CACNA2D1: variants seen among roughly 807,000 people sequenced by gnomAD.
The protein encoded by CACNA2D1 is voltage-dependent calcium channel subunit alpha-2/delta-1.
CACNA2D1 carries 53 observed loss-of-function variants against 171.5 expected under a neutral mutation model. The observed-to-expected ratio is 0.31, with a 90% CI of 0.25 to 0.39. The LOEUF is 0.39. Ranked by LOEUF, CACNA2D1 falls within the 10% of genes least tolerant of loss-of-function variation. CACNA2D1 has a pLI of 1.00. For synonymous variants in CACNA2D1, 442 were observed against 443.1 expected (o/e 1.00, Z 0.03); for missense variants, 903 against 1,299.8 (o/e 0.69, Z 4.69).
intron 3 of CACNA2D1, among the ~76,000 whole-genome samples, chr7:82,173,732 G>C (rs1796274600): frequency 6.6e-6 from 1 of 151,856 alleles, no homozygotes; most frequent in Middle Eastern, 3.4e-3. Flanking sequence ...CCATTAAATG[G>C]CACCGGTGAA....
chr7:82,303,714 CT>C (rs924200056), intron 3 of CACNA2D1, among the ~76,000 whole-genome samples: 4 of 151,926 alleles, frequency 2.6e-5, no homozygotes, highest in East Asian at 3.9e-4. Flanking sequence ...CAAAAATCAA[CT>C]AAAGAGGGAT....
rs1245895861 is a variant in CACNA2D1, at chr7:82,332,536, AAGAAAGAAAG to A, written c.294+2589_294+2598del. 6.3e-3 allele frequency among the ~76,000 whole-genome samples: 495 copies of A among 78,330 alleles called. 3 individuals are homozygous for A. The highest frequency in any genetic ancestry group is 0.014 in the African/African-American group (470 of 33,838). The allele number at this position is 78,330 out of a possible 152,430, so 51.4% of individuals were successfully genotyped here. On this transcript the variant is annotated intron_variant, in intron 3 of 38. Coordinates refer to ENST00000356860, the MANE Select transcript of CACNA2D1 (RefSeq NM_000722.4). ...AAAGAAAGAAAGAAAGAAAGAAAGA[AAGAAAGAAAG>A]AAAGAAAGAAAGAAAGAAAGAACGA...
intron 18 of CACNA2D1, among the ~76,000 whole-genome samples, chr7:82,004,202 C>T (rs1798897580): frequency 6.6e-6 from 1 of 151,870 alleles, no homozygotes; most frequent in African/African-American, 2.4e-5. Context: ...GGATGATTAG[C>T]CAAACATAAA....
chr7:82,123,255 C>T (rs1416322350), intron 5 of CACNA2D1, among the ~76,000 whole-genome samples: 1 of 152,120 alleles, frequency 6.6e-6, no homozygotes, highest in East Asian at 1.9e-4. Flanking sequence ...CCTGAGATGG[C>T]TACATTCCAT....
intron 4 of CACNA2D1, among the ~76,000 whole-genome samples, chr7:82,169,702 T>C (rs1441195102): frequency 6.6e-6 from 1 of 151,978 alleles, no homozygotes; most frequent in Admixed American, 6.6e-5. Flanking sequence ...TCTAAACCTA[T>C]TTTAAATGTG....
intron 24 of CACNA2D1, among the ~76,000 whole-genome samples, chr7:81,979,622 A>C (rs1300189624): frequency 6.6e-6 from 1 of 152,164 alleles, no homozygotes; most frequent in Non-Finnish European, 1.5e-5. Flanking sequence ...TTGCTATGTT[A>C]ATATTCTGCG....
At chr7:82,227,319 C>T (rs968743241) in intron 3 of CACNA2D1, among the ~76,000 whole-genome samples, 5 of 151,826 alleles carry the variant, frequency 3.3e-5, no homozygotes, top group African/African-American at 1.2e-4. Flanking sequence ...CTTTAAGAGC[C>T]GAGATACACA....
chr7:82,181,041 A>ATTTTTTT lies in CACNA2D1; in HGVS notation c.295-10439_295-10433dup, dbSNP rs71093367. Among the ~76,000 whole-genome samples, 15 of 13,960 alleles carry ATTTTTTT rather than the reference A, an allele frequency of 1.1e-3. 5 individuals carry two copies. The highest frequency in any genetic ancestry group is 4.0e-3 in the South Asian group (1 of 252). The allele number at this position is 13,960 out of a possible 152,430, so 9.2% of individuals were successfully genotyped here. On this transcript the variant is annotated intron_variant, in intron 3 of 38. Coordinates refer to ENST00000356860, the MANE Select transcript of CACNA2D1 (RefSeq NM_000722.4). ...GGTCAGCAGCTGTGGGGCATGTCGG[A>ATTTTTTT]TTTTTTTTTTTTTTTTTTTTTTTTT...
chr7:82,137,774 G>A (rs1307259356), intron 4 of CACNA2D1, among the ~76,000 whole-genome samples: 3 of 150,528 alleles, frequency 2.0e-5, no homozygotes, highest in Admixed American at 6.6e-5. Context: ...CAGCTACTCC[G>A]GAGGCTGAGG....
intron 3 of CACNA2D1, among the ~76,000 whole-genome samples, chr7:82,223,733 A>C (rs1802037613): frequency 6.6e-6 from 1 of 152,182 alleles, no homozygotes; most frequent in African/African-American, 2.4e-5. Context: ...CCGCTGCAAT[A>C]GCTTCTAATT....
chr7:81,968,856 TTGTG>T lies in CACNA2D1; in HGVS notation c.2395+27_2395+30del, dbSNP rs760766388. 21 of 1,095,394 alleles carry T rather than the reference TTGTG, an allele frequency of 1.9e-5. No homozygotes were observed. In the African/African-American group the frequency reaches 2.9e-4, roughly 15 times the overall value. The allele number at this position is 1,095,394 out of a possible 1,614,324, so 67.9% of individuals were successfully genotyped here. On this transcript the variant is annotated intron_variant, in intron 29 of 38. Transcript: ENST00000356860. Reference sequence around the variant, plus strand: ...AATGCCAAGTAACATTTAATTTTGATTGTGTTTTTGTATTTAATATTTATCCTTA... The same window carrying T: ...AATGCCAAGTAACATTTAATTTTGATTTTTTGTATTTAATATTTATCCTTA...
intron 3 of CACNA2D1, among the ~76,000 whole-genome samples, chr7:82,190,387 G>T (rs1316442428): frequency 6.6e-6 from 1 of 151,762 alleles, no homozygotes; most frequent in Non-Finnish European, 1.5e-5. Flanking sequence ...GCACAAAGGA[G>T]ATTAATTACT....
At chr7:82,351,809 G>A (rs906195399) in intron 1 of CACNA2D1, among the ~76,000 whole-genome samples, 3 of 152,114 alleles carry the variant, frequency 2.0e-5, no homozygotes, top group African/African-American at 7.2e-5. Context: ...CATTGATCCA[G>A]TAATTTCCTA....
At chr7:81,956,280 A>G (rs1353507327) in intron 38 of CACNA2D1, among the ~76,000 whole-genome samples, 1 of 151,844 alleles carries the variant, frequency 6.6e-6, no homozygotes, top group African/African-American at 2.4e-5. Context: ...AGCCGTTGCT[A>G]TAAGTTTTTA....
chr7:81,981,843 T>TAAG (rs1296304568), intron 24 of CACNA2D1, among the ~76,000 whole-genome samples: 5 of 152,062 alleles, frequency 3.3e-5, no homozygotes, highest in African/African-American at 9.7e-5. Flanking sequence ...ATGAGGTGCA[T>TAAG]CTAAAAAGCT....
At position 82,324,058 on chromosome 7, in the gene CACNA2D1, A is replaced by G. The variant is rs189701856; in HGVS notation, c.294+11077T>C. Among the ~76,000 whole-genome samples, 238 of 152,282 alleles carry G rather than the reference A, an allele frequency of 1.6e-3. 4 individuals are homozygous for G. The highest frequency in any genetic ancestry group is 3.4e-3 in the Middle Eastern group (1 of 294). The stretch of plus-strand genomic sequence containing the variant: ...GCACTCTCTAGCACTGAGAGATTTA[A>G]AACAGAAAGTGTGGTTGGCTGGGCA... On this transcript the variant is annotated intron_variant, in intron 3 of 38. Coordinates refer to ENST00000356860, the MANE Select transcript of CACNA2D1 (RefSeq NM_000722.4).
intron 1 of CACNA2D1, among the ~76,000 whole-genome samples, chr7:82,366,367 T>C (rs945619504): frequency 2.6e-5 from 4 of 152,200 alleles, no homozygotes; most frequent in Admixed American, 2.6e-4. Context: ...TTTTCACTCC[T>C]TGACCCCCTC....
intron 3 of CACNA2D1, among the ~76,000 whole-genome samples, chr7:82,298,539 A>G (rs1812577213): frequency 6.6e-6 from 1 of 151,432 alleles, no homozygotes; most frequent in Non-Finnish European, 1.5e-5. Flanking sequence ...TAGTTCAATC[A>G]TACTATGAAA....
At chr7:82,278,782 C>T (rs931715018) in intron 3 of CACNA2D1, among the ~76,000 whole-genome samples, 1 of 151,794 alleles carries the variant, frequency 6.6e-6, no homozygotes, top group South Asian at 2.1e-4. Context: ...TAGTTTTATT[C>T]GAATAGAGGA....
Sources: allele counts gnomAD v4.1 joint callset (sites outside exome capture counted in the v4.1 genomes callset), GRCh38; gene constraint gnomAD v4.1.1; transcripts MANE v1.5; gene names NCBI Gene and HGNC (gene_info 2026-07-23, HGNC 2026-07-21).